Variants in CADM2 observed in about 807,000 individuals in gnomAD.
The protein encoded by CADM2 is immunoglobulin superfamily member 4D.
A neutral mutation model predicts 49.8 loss-of-function variants in CADM2; 12 were observed. The observed-to-expected ratio is 0.24, with a 90% CI of 0.15 to 0.39. The LOEUF (loss-of-function observed/expected upper bound fraction) is 0.39, where lower values mean the gene tolerates loss of function less well. Among genes scored for constraint, CADM2 ranks in the 10% least tolerant of loss-of-function variants. The pLI, the probability that CADM2 is intolerant of heterozygous loss-of-function variation, is 1.00. For missense variants in CADM2, 378 were observed against 492.3 expected (o/e 0.77, Z 2.20); for synonymous variants, 214 against 175.4 (o/e 1.22, Z -1.74).
intron 1 of CADM2, among the ~76,000 whole-genome samples, chr3:85,358,934 C>T (rs2032099458): frequency 1.3e-5 from 2 of 152,146 alleles, no homozygotes; most frequent in Non-Finnish European, 2.9e-5. Flanking sequence ...CCAAAATCAA[C>T]TGCAGGTTAG....
chr3:85,167,326 A>G (rs1414335641), intron 1 of CADM2, among the ~76,000 whole-genome samples: 2 of 152,106 alleles, frequency 1.3e-5, no homozygotes, highest in African/African-American at 4.8e-5. Context: ...TTTATTATAT[A>G]TCAACAAAGA....
intron 1 of CADM2, among the ~76,000 whole-genome samples, chr3:85,328,701 A>C (rs2107139547): frequency 6.6e-6 from 1 of 152,322 alleles, no homozygotes; most frequent in East Asian, 1.9e-4. Context: ...TTGAACATCT[A>C]AATCAATGAT....
intron 1 of CADM2, among the ~76,000 whole-genome samples, chr3:85,200,729 G>T (rs1346230905): frequency 1.3e-5 from 2 of 151,866 alleles, no homozygotes; most frequent in African/African-American, 4.8e-5. Context: ...TAAAAATGTT[G>T]GATTTTTACA....
chr3:85,153,334 T>C (rs1207561843), intron 1 of CADM2, among the ~76,000 whole-genome samples: 2 of 152,216 alleles, frequency 1.3e-5, no homozygotes, highest in Non-Finnish European at 2.9e-5. Flanking sequence ...AGATGGCACC[T>C]GGAAAATTGG....
chr3:85,190,539 A>T (rs1486487845), intron 1 of CADM2, among the ~76,000 whole-genome samples: 2 of 152,118 alleles, frequency 1.3e-5, no homozygotes, highest in African/African-American at 4.8e-5. Flanking sequence ...TAAGGAAATT[A>T]TTCAGTAAAA....
chr3:85,382,290 A>G (rs7642959), intron 1 of CADM2, among the ~76,000 whole-genome samples: 13,996 of 152,162 alleles, frequency 0.092, 2,004 homozygotes, highest in African/African-American at 0.31. Context: ...CTATGCTACA[A>G]AAAGGCCTCT....
At chr3:85,991,629 T>C (rs916074301) in intron 8 of CADM2, among the ~76,000 whole-genome samples, 1 of 152,104 alleles carries the variant, frequency 6.6e-6, no homozygotes, top group African/African-American at 2.4e-5. Context: ...AGTTTAAGAT[T>C]TGGCTTCTCC....
chr3:85,486,703 TTG>T (rs2039430859), intron 1 of CADM2, among the ~76,000 whole-genome samples: 1 of 104,452 alleles, frequency 9.6e-6, no homozygotes, highest in Admixed American at 1.1e-4. Flanking sequence ...GGGAGACCAA[TTG>T]GAATGTGTAT....
chr3:85,594,346 T>C (rs2063186824), intron 1 of CADM2, among the ~76,000 whole-genome samples: 1 of 151,624 alleles, frequency 6.6e-6, no homozygotes, highest in Admixed American at 6.6e-5. Flanking sequence ...TTAACTGAAA[T>C]TATTTATTTA....
At chr3:85,419,733 C>G (rs554195940) in intron 1 of CADM2, among the ~76,000 whole-genome samples, 24 of 152,128 alleles carry the variant, frequency 1.6e-4, no homozygotes, top group African/African-American at 5.8e-4. Flanking sequence ...GTATCTTAGG[C>G]CTTGTTATAG....
At chr3:85,818,411 G>A (rs1258821415) in intron 3 of CADM2, among the ~76,000 whole-genome samples, 2 of 152,120 alleles carry the variant, frequency 1.3e-5, no homozygotes, top group African/African-American at 2.4e-5. Context: ...GGAAGCCAGC[G>A]CTGGTGCTTG....
At chr3:85,991,536 C>T (rs567354506) in intron 8 of CADM2, among the ~76,000 whole-genome samples, 1 of 152,044 alleles carries the variant, frequency 6.6e-6, no homozygotes, top group Non-Finnish European at 1.5e-5. Context: ...TTAACACACC[C>T]ATTGCAATAA....
intron 8 of CADM2, among the ~76,000 whole-genome samples, chr3:85,972,367 A>G (rs1312220348): frequency 2.6e-5 from 4 of 151,750 alleles, no homozygotes; most frequent in Non-Finnish European, 5.9e-5. Flanking sequence ...TAATAATTCT[A>G]ATGATATACC....
At chr3:85,853,504 T>C (rs1010825725) in intron 3 of CADM2, among the ~76,000 whole-genome samples, 11 of 152,090 alleles carry the variant, frequency 7.2e-5, no homozygotes, top group African/African-American at 1.4e-4. Flanking sequence ...TATCTTACCT[T>C]GGTTTATTAA....
At position 85,961,484 on chromosome 3, in the gene CADM2, G is replaced by A; in HGVS notation, c.807G>A (p.Leu269=). ...SKGKPLPEPV[L]WTKDGGELPD... ...AATCCAATAGGCCAGAACCTGTTTT[G>A]TGGACAAAGGATGGCGGAGAATTAC... The change falls in exon 8 of 10, where the codon TTG becomes TTA. Residue 269 remains leucine (L), a synonymous_variant. Coordinates refer to ENST00000383699, the MANE Select transcript of CADM2 (RefSeq NM_001167675.2). 6.3e-7 allele frequency: 1 copy of A among 1,599,624 alleles called. No homozygotes were observed. Among genetic ancestry groups the A allele is most frequent in the Non-Finnish European group, 8.5e-7 (1 of 1,169,814 alleles).
At chr3:85,754,291 A>T (rs191227677) in intron 2 of CADM2, among the ~76,000 whole-genome samples, 1 of 152,140 alleles carries the variant, frequency 6.6e-6, no homozygotes, top group South Asian at 2.1e-4. Flanking sequence ...CCCTGACACC[A>T]GGTGCAACCA....
chr3:85,354,394 C>T (rs932016936), intron 1 of CADM2, among the ~76,000 whole-genome samples: 1 of 150,126 alleles, frequency 6.7e-6, no homozygotes. Flanking sequence ...AAGAGATACA[C>T]CTAATGCTAA....
intron 1 of CADM2, among the ~76,000 whole-genome samples, chr3:85,339,273 T>C (rs535177652): frequency 5.3e-5 from 8 of 151,552 alleles, no homozygotes; most frequent in African/African-American, 1.9e-4. Context: ...CTCAGTGTGT[T>C]TAAATAATAA....
chr3:85,866,655 A>G (rs933486612), intron 3 of CADM2, among the ~76,000 whole-genome samples: 2 of 152,106 alleles, frequency 1.3e-5, no homozygotes, highest in Admixed American at 1.3e-4. Context: ...TTTTGAAGGA[A>G]TGTTTTAATT....
Sources: gnomAD v4.1 joint callset for allele counts (sites outside exome capture counted in the v4.1 genomes callset) on GRCh38, gnomAD v4.1.1 for gene constraint, MANE v1.5 for transcripts, NCBI Gene and HGNC (gene_info 2026-07-23, HGNC 2026-07-21) for gene names.